The following PLAT variants were observed in gnomAD, a reference collection of about 807,000 sequenced individuals.
PLAT encodes the protein tissue-type plasminogen activator.
In PLAT, 48 loss-of-function variants were observed where a neutral mutation model predicts 74.9. The ratio of observed to expected loss-of-function variants is 0.64; its 90% CI spans 0.51 to 0.82. The LOEUF (loss-of-function observed/expected upper bound fraction) is 0.82, where lower values mean the gene tolerates loss of function less well. Ranked by LOEUF, PLAT falls within the 40% of genes least tolerant of loss-of-function variation. The pLI is 0.00. For synonymous variants in PLAT, 307 were observed against 294.4 expected (o/e 1.04, Z -0.44); for missense variants, 673 against 736.2 (o/e 0.91, Z 0.99).
chr8:42,204,750 A>G (rs917342566), intron 1 of PLAT, among the ~76,000 whole-genome samples: 6 of 151,250 alleles, frequency 4.0e-5, no homozygotes, highest in Non-Finnish European at 8.8e-5. Context: ...TTGGCCGGGC[A>G]TGGTGGCTCA....
intron 13 of PLAT, among the ~76,000 whole-genome samples, chr8:42,177,014 C>T (rs1805000002): frequency 6.6e-6 from 1 of 151,796 alleles, no homozygotes; most frequent in Admixed American, 6.6e-5. Flanking sequence ...CTCACTCTGT[C>T]ACCCACCCAG....
chr8:42,200,102 T>G (rs1040260315), intron 1 of PLAT, among the ~76,000 whole-genome samples: 2 of 152,232 alleles, frequency 1.3e-5, no homozygotes, highest in African/African-American at 4.8e-5. Context: ...AATGTACACA[T>G]GGATGAATGC....
At chr8:42,201,435 G>A (rs989628291) in intron 1 of PLAT, among the ~76,000 whole-genome samples, 19 of 152,212 alleles carry the variant, frequency 1.2e-4, no homozygotes, top group Non-Finnish European at 1.3e-4. Context: ...GAGGCTTCCC[G>A]CTTCTCCCTG....
chr8:42,203,988 T>TAC (rs1208295801), intron 1 of PLAT, among the ~76,000 whole-genome samples: 62 of 123,276 alleles, frequency 5.0e-4, no homozygotes, highest in Middle Eastern at 3.8e-3. Flanking sequence ...TATATATATA[T>TAC]ATATACACAC....
chr8:42,203,778 A>T (rs1297856492), intron 1 of PLAT, among the ~76,000 whole-genome samples: 2 of 152,088 alleles, frequency 1.3e-5, no homozygotes, highest in African/African-American at 4.8e-5. Flanking sequence ...TAGCCTGGGC[A>T]ACAAAGCAAA....
At chr8:42,199,208 T>C (rs1806035171) in intron 1 of PLAT, among the ~76,000 whole-genome samples, 1 of 152,190 alleles carries the variant, frequency 6.6e-6, no homozygotes, top group Non-Finnish European at 1.5e-5. Context: ...ATAGGCTAAA[T>C]GGTTATTTTC....
At position 42,187,919 on chromosome 8, in the gene PLAT, C is replaced by T. The variant is rs1805546819; in HGVS notation, c.351G>A (p.Lys117=). 1 of 1,607,210 alleles carries T rather than the reference C, an allele frequency of 6.2e-7. No individual in the cohort carries two copies. The highest frequency in any genetic ancestry group is 2.2e-5 in the East Asian group (1 of 44,872). ...VCQCPEGFAG[K]CCEIDTRATC... Reference sequence around the variant, plus strand: ...TCACCTACTCACCTATTTCACAGCACTTCCCAGCAAATCCTTCGGGGCACT... The same window carrying T: ...TCACCTACTCACCTATTTCACAGCATTTCCCAGCAAATCCTTCGGGGCACT... The change falls in exon 5 of 14, where the codon AAG becomes AAA. Residue 117 remains lysine (K), a synonymous_variant. Coordinates refer to ENST00000220809, the MANE Select transcript of PLAT (RefSeq NM_000930.5).
intron 6 of PLAT, 90 bp from the exon 7 acceptor site, chr8:42,185,262 G>A: frequency 1.4e-6 from 1 of 692,664 alleles, no homozygotes; most frequent in Non-Finnish European, 2.4e-6. Flanking sequence ...TTTTCTGGAG[G>A]AATGGGGGGT....
chr8:42,200,960 G>A (rs1175261320), intron 1 of PLAT, among the ~76,000 whole-genome samples: 1 of 152,094 alleles, frequency 6.6e-6, no homozygotes, highest in East Asian at 1.9e-4. Flanking sequence ...CTCCCGAGTA[G>A]CTCGGATTAC....
chr8:42,187,211 C>CCTATCAT (rs1032687467), intron 6 of PLAT, 187 bp downstream of exon 6: 3 of 499,304 alleles, frequency 6.0e-6, no homozygotes, highest in Non-Finnish European at 1.1e-5. Flanking sequence ...TAATCTATCA[C>CCTATCAT]CTATCATCTA....
chr8:42,198,141 T>G (rs925421631), intron 1 of PLAT, among the ~76,000 whole-genome samples: 1 of 152,226 alleles, frequency 6.6e-6, no homozygotes, highest in African/African-American at 2.4e-5. Context: ...GAGATCAGCC[T>G]GGGCAACACA....
chr8:42,181,793 T>G (rs1805250546), intron 9 of PLAT, 144 bp downstream of exon 9: 3 of 358,352 alleles, frequency 8.4e-6, no homozygotes, highest in Non-Finnish European at 1.6e-5. Flanking sequence ...GTGGCTTCAG[T>G]CATGGAAGCC....
intron 1 of PLAT, among the ~76,000 whole-genome samples, chr8:42,202,507 GC>G (rs1040373538): frequency 1.2e-4 from 17 of 146,290 alleles, no homozygotes; most frequent in African/African-American, 1.5e-4. Context: ...CCCCCACCCT[GC>G]CCCCCCAGCC....
intron 3 of PLAT, among the ~76,000 whole-genome samples, chr8:42,189,483 A>C (rs1260241512): frequency 6.6e-6 from 1 of 151,434 alleles, no homozygotes; most frequent in Non-Finnish European, 1.5e-5. Context: ...GTACCACTGC[A>C]CTCCAGCCTG....
chr8:42,181,864 G>T, intron 9 of PLAT, 73 bp downstream of exon 9: 1 of 882,470 alleles, frequency 1.1e-6, no homozygotes, highest in Non-Finnish European at 1.9e-6. Context: ...AGCCATGAAG[G>T]CCTAGAAAGT....
intron 1 of PLAT, among the ~76,000 whole-genome samples, chr8:42,203,988 TATATAC>T (rs1376453808): frequency 8.1e-5 from 10 of 123,280 alleles, no homozygotes; most frequent in African/African-American, 2.9e-4. Context: ...TATATATATA[TATATAC>T]ACACACACAC....
Position 42,189,018 on chromosome 8 carries a change from G to T in PLAT, c.169C>A (p.Leu57Met), listed in dbSNP as rs774656820. ...QMIYQQHQSW[L>M]RPVLRSNRVE... Reference sequence around the variant, plus strand: ...CGGTTGCTTCTGAGCACAGGGCGCAGCCATGACTGATGTTGCTGGTATATC... The same window carrying T: ...CGGTTGCTTCTGAGCACAGGGCGCATCCATGACTGATGTTGCTGGTATATC... The change falls in exon 4 of 14, where the codon CTG (leucine) becomes ATG (methionine). Residue 57 changes from leucine (L) to methionine (M), a missense_variant. Coordinates refer to ENST00000220809, the MANE Select transcript of PLAT (RefSeq NM_000930.5). 3 of 1,613,930 alleles carry T rather than the reference G, an allele frequency of 1.9e-6. No individual in the cohort carries two copies. In the South Asian group the frequency reaches 3.3e-5, roughly 18 times the overall value.
At chr8:42,187,128 A>C in intron 6 of PLAT, 1 of 360,952 alleles carries the variant, frequency 2.8e-6, no homozygotes, top group Non-Finnish European at 5.0e-6. Context: ...TCTATCACCT[A>C]TCATCTGTCT....
chr8:42,180,480 G>C lies in PLAT; in HGVS notation c.1085+10C>G. ...GGGTGGAAAAACCAACTGGGTTTCC[G>C]AGCCCCTACCTCTCCTGGAAGCAGT... On this transcript the variant is annotated intron_variant, in intron 10 of 13. Transcript: ENST00000220809. 1 of 1,613,852 alleles carries C rather than the reference G, an allele frequency of 6.2e-7. No individual in the cohort carries two copies. Among genetic ancestry groups the C allele is most frequent in the Admixed American group, 1.7e-5 (1 of 60,026 alleles).
Sources: gnomAD v4.1 joint callset for allele counts (sites outside exome capture counted in the v4.1 genomes callset) on GRCh38, gnomAD v4.1.1 for gene constraint, MANE v1.5 for transcripts, NCBI Gene and HGNC (gene_info 2026-07-23, HGNC 2026-07-21) for gene names.